The following NUP210 variants were observed in gnomAD, a reference collection of about 807,000 sequenced individuals.
The protein encoded by NUP210 is nuclear pore membrane glycoprotein 210.
NUP210 carries 151 observed loss-of-function variants against 196.0 expected under a neutral mutation model. That is an observed-to-expected ratio of 0.77 (90% CI 0.67 to 0.88). The LOEUF is 0.88. NUP210 is among the 40% of genes least tolerant of loss of function. The pLI is 0.00. For missense variants in NUP210, 2,314 were observed against 2,493.7 expected (o/e 0.93, Z 1.53); for synonymous variants, 1,070 against 1,052.7 (o/e 1.02, Z -0.32).
intron 32 of NUP210, 84 bp downstream of exon 32, chr3:13,327,133 G>T: frequency 9.2e-7 from 1 of 1,083,636 alleles, no homozygotes; most frequent in South Asian, 1.5e-5. Context: ...CGTGACTGGT[G>T]CCGAGCCCCT....
intron 4 of NUP210, 129 bp from the exon 5 acceptor site, chr3:13,388,582 G>T: frequency 1.0e-6 from 1 of 960,418 alleles, no homozygotes; most frequent in Non-Finnish European, 1.5e-6. Context: ...TGTCCCCCTA[G>T]TCAGGGCTGG....
Position 13,420,167 on chromosome 3 carries a change from GC to G in NUP210, c.59del (p.Gly20AlafsTer67). On this transcript the variant is annotated frameshift_variant, in exon 1 of 40. Coordinates refer to ENST00000254508, the MANE Select transcript of NUP210 (RefSeq NM_024923.4). LOFTEE classifies it high-confidence loss of function. The surrounding 1 kb of genome is among the most constrained non-coding windows in gnomAD (Gnocchi z 4.8). The part of the protein sequence containing the change: ...LLTLSVLLAA[G>X]PSAAAAKLNI... ...TGAGCTTGGCCGCAGCGGCGGAGGG[GC>G]CCGCCGCCAACAGCACCGACAGCGT... 1 of 1,277,720 alleles carries G rather than the reference GC, an allele frequency of 7.8e-7. No individual in the cohort carries two copies. The allele number at this position is 1,277,720 out of a possible 1,614,324, so 79.1% of individuals were successfully genotyped here.
chr3:13,377,851 A>G (rs1698970361), intron 8 of NUP210, among the ~76,000 whole-genome samples: 2 of 141,902 alleles, frequency 1.4e-5, no homozygotes, highest in Admixed American at 6.9e-5. Context: ...TGCAGGCCCC[A>G]CACCACCCAC....
chr3:13,369,981 G>A (rs1698673380), intron 13 of NUP210, among the ~76,000 whole-genome samples: 1 of 152,172 alleles, frequency 6.6e-6, no homozygotes, highest in Non-Finnish European at 1.5e-5. Flanking sequence ...CCTGTGCTCT[G>A]AGCCTGGGAG....
At chr3:13,342,872 G>A (rs1186749510) in intron 21 of NUP210, among the ~76,000 whole-genome samples, 1 of 152,214 alleles carries the variant, frequency 6.6e-6, no homozygotes, top group Non-Finnish European at 1.5e-5. Context: ...TGCCTCGTTG[G>A]TTAATAACCT....
chr3:13,329,371 G>A (rs1051363424), intron 30 of NUP210, among the ~76,000 whole-genome samples: 2 of 152,224 alleles, frequency 1.3e-5, no homozygotes, highest in African/African-American at 4.8e-5. Flanking sequence ...GCCACCAGGG[G>A]AAGGAGGGAA....
At chr3:13,345,738 G>C (rs535329407) in intron 20 of NUP210, among the ~76,000 whole-genome samples, 12 of 152,210 alleles carry the variant, frequency 7.9e-5, no homozygotes, top group Non-Finnish European at 1.6e-4. Flanking sequence ...CATGAGCCTG[G>C]TGTCAAGTAT....
At chr3:13,330,436 A>G in intron 30 of NUP210, 24 bp downstream of exon 30, 1 of 1,609,008 alleles carries the variant, frequency 6.2e-7, no homozygotes, top group East Asian at 2.2e-5. Flanking sequence ...CATTACTCCA[A>G]AAAGGAGGAG....
At chr3:13,343,339 T>TGGGGGGTGGGGGGGG in intron 20 of NUP210, 36 bp from the exon 21 acceptor site, 1 of 282,520 alleles carries the variant, frequency 3.5e-6, no homozygotes, top group East Asian at 8.4e-5. Flanking sequence ...GGGTGGGTGG[T>TGGGGGGTGGGGGGGG]GGGTTACGCA....
chr3:13,409,878 C>A (rs1167798537), intron 1 of NUP210, among the ~76,000 whole-genome samples: 1 of 151,878 alleles, frequency 6.6e-6, no homozygotes, highest in Non-Finnish European at 1.5e-5. Flanking sequence ...GTTCTGTCAC[C>A]CAGGCTGGAG....
At chr3:13,391,781 A>G (rs1173217868) in intron 3 of NUP210, among the ~76,000 whole-genome samples, 4 of 151,536 alleles carry the variant, frequency 2.6e-5, no homozygotes, top group Non-Finnish European at 4.4e-5. Context: ...CTAGTGTCAC[A>G]TGACTCTTGT....
Position 13,327,373 on chromosome 3 carries a change from C to A in NUP210, c.4351G>T (p.Val1451Leu). ...CACACACGGAGCAGTGTCAGGCCCA[C>A]GCTGACTGTGCGGACAACGCAGGTG... The part of the protein sequence containing the change: ...NNTCVVRTVS[V>L]GLTLLRVWDA... Residue 1451 changes from valine to leucine, a missense_variant, in exon 32 of 40, where the codon GTG becomes TTG. Val to Leu is a conservative substitution (Grantham distance 32). Coordinates refer to ENST00000254508, the MANE Select transcript of NUP210 (RefSeq NM_024923.4). 1.2e-6 allele frequency: 2 copies of A among 1,613,492 alleles called. No homozygotes were observed. The highest frequency in any genetic ancestry group is 1.7e-6 in the Non-Finnish European group (2 of 1,180,014).
At chr3:13,377,323 G>A (rs543925802) in intron 9 of NUP210, 133 bp downstream of exon 9, 11 of 655,900 alleles carry the variant, frequency 1.7e-5, no homozygotes, top group East Asian at 2.8e-5. Flanking sequence ...ACCCGGGAGC[G>A]CCACTAGAAA....
chr3:13,332,053 C>T (rs1338880034), intron 29 of NUP210, among the ~76,000 whole-genome samples: 6 of 152,048 alleles, frequency 3.9e-5, no homozygotes, highest in South Asian at 2.1e-4. Context: ...TTTAGTACCT[C>T]GCATAAAAAT....
Position 13,319,291 on chromosome 3 carries a change from G to A in NUP210, c.5418C>T (p.Ser1806=), listed in dbSNP as rs756102803. 5.0e-6 allele frequency: 8 copies of A among 1,612,578 alleles called. No homozygotes were observed. Among genetic ancestry groups the A allele is most frequent in the East Asian group, 2.2e-5 (1 of 44,864 alleles). ...GASLFQHFLD[S]YQVMFFTLFA... ...AGAGCGTGAAGAACATGACCTGGTA[G>A]GAATCCAGGAAGTGCTGGAAGAGGC... The change falls in exon 38 of 40, where the codon TCC becomes TCT. Residue 1806 remains serine, a synonymous_variant. Transcript: ENST00000254508.
chr3:13,375,558 G>A lies in NUP210; in HGVS notation c.1377C>T (p.Ser459=), dbSNP rs774092009. ...EIHIPITLYP[S]ILTFPWQPKT... is the part of the protein sequence containing the mutation. ...TTGGTTGCCACGGAAATGTCAAGAT[G>A]CTGGGATACAGGGTGATCGGGATGT... The change falls in exon 11 of 40, where the codon AGC becomes AGT. Residue 459 remains serine (S), a synonymous_variant. Transcript: ENST00000254508. The A allele has an allele frequency of 1.2e-6, 2 of 1,614,030 alleles. No homozygotes were observed. The highest frequency in any genetic ancestry group is 1.3e-5 in the African/African-American group (1 of 74,918).
intron 31 of NUP210, 59 bp downstream of exon 31, chr3:13,328,712 G>A (rs1048809005): frequency 2.8e-5 from 41 of 1,481,422 alleles, no homozygotes; most frequent in Non-Finnish European, 3.5e-5. Context: ...ATCCCCAGTT[G>A]TCTCTACCAG....
chr3:13,414,604 C>T (rs1338348759), intron 1 of NUP210, among the ~76,000 whole-genome samples: 1 of 152,156 alleles, frequency 6.6e-6, no homozygotes, highest in African/African-American at 2.4e-5. Context: ...CACCCTCCCT[C>T]CCAGCCCTGC....
chr3:13,361,212 G>A (rs1698358782), intron 14 of NUP210, among the ~76,000 whole-genome samples: 1 of 152,238 alleles, frequency 6.6e-6, no homozygotes, highest in Non-Finnish European at 1.5e-5. Flanking sequence ...CTTCGAGGGT[G>A]AGTTTTGTGG....
Sources: gnomAD v4.1 joint callset for allele counts (sites outside exome capture counted in the v4.1 genomes callset) on GRCh38, gnomAD v4.1.1 for gene constraint, Gnocchi (gnomAD v3.1) non-coding constraint, MANE v1.5 for transcripts, NCBI Gene and HGNC (gene_info 2026-07-23, HGNC 2026-07-21) for gene names.